The following RREB1 variants were observed in gnomAD, a reference collection of about 807,000 sequenced individuals.
RREB1 encodes the protein ras-responsive element-binding protein 1.
A neutral mutation model predicts 117.8 loss-of-function variants in RREB1; 27 were observed. The observed-to-expected ratio is 0.23, with a 90% CI of 0.17 to 0.32. The LOEUF (loss-of-function observed/expected upper bound fraction) is 0.32. RREB1 is among the 10% of genes least tolerant of loss of function. The probability of loss-of-function intolerance (pLI) is 1.00; values close to 1 mark genes in which losing one functional copy is unlikely to be tolerated. For synonymous variants in RREB1, 1,298 were observed against 1,026.7 expected (o/e 1.26, Z -5.05); for missense variants, 2,577 against 2,378.2 (o/e 1.08, Z -1.74).
At chr6:7,212,856 A>G (rs1766693838) in intron 8 of RREB1, 2 of 152,244 alleles carry the variant, frequency 1.3e-5, no homozygotes, top group South Asian at 4.1e-4. Flanking sequence ...GCCAGGTCAA[A>G]TATGATTATC....
intron 8 of RREB1, among the ~76,000 whole-genome samples, chr6:7,223,257 TAAAAAAAA>T (rs59558597): frequency 2.1e-5 from 2 of 97,280 alleles, no homozygotes; most frequent in African/African-American, 8.1e-5. Context: ...ACTCTCTTTT[TAAAAAAAA>T]AAAAAAAAAA....
intron 1 of RREB1, among the ~76,000 whole-genome samples, chr6:7,165,501 CA>C (rs997963993): frequency 1.3e-5 from 2 of 152,118 alleles, no homozygotes; most frequent in Non-Finnish European, 2.9e-5. Context: ...AAAAGTATGC[CA>C]AAACAATTTC....
intron 1 of RREB1, among the ~76,000 whole-genome samples, chr6:7,140,155 C>T (rs568925823): frequency 6.3e-4 from 96 of 152,240 alleles, no homozygotes; most frequent in Non-Finnish European, 9.7e-4. Flanking sequence ...TGCCACACGG[C>T]GTCTTTGCCA....
chr6:7,200,283 T>TGTGTGTGTGTGTGTG (rs1491275718), intron 6 of RREB1, among the ~76,000 whole-genome samples: 1 of 93,954 alleles, frequency 1.1e-5, no homozygotes, highest in Non-Finnish European at 1.9e-5. Flanking sequence ...TGTGTGTGTA[T>TGTGTGTGTGTGTGTG]TTTTTTTTTT....
chr6:7,165,396 A>G (rs1027925239), intron 1 of RREB1, among the ~76,000 whole-genome samples: 3 of 152,368 alleles, frequency 2.0e-5, no homozygotes, highest in Admixed American at 6.5e-5. Flanking sequence ...CCTTTGTCAC[A>G]TGCATTCAAG....
At chr6:7,198,974 G>A (rs909126996) in intron 6 of RREB1, among the ~76,000 whole-genome samples, 3 of 152,194 alleles carry the variant, frequency 2.0e-5, no homozygotes, top group Non-Finnish European at 4.4e-5. Context: ...GCAGCAGAAT[G>A]TCTGGGCTAC....
chr6:7,233,244 A>G (rs1332526701), intron 10 of RREB1, among the ~76,000 whole-genome samples: 1 of 152,244 alleles, frequency 6.6e-6, no homozygotes. Context: ...TGATTTTTAA[A>G]GAGAAGTTTA....
chr6:7,126,569 G>GAA, intron 1 of RREB1, among the ~76,000 whole-genome samples: 1 of 152,172 alleles, frequency 6.6e-6, no homozygotes, highest in Non-Finnish European at 1.5e-5. Flanking sequence ...GTGCTGGCAG[G>GAA]ACTGTTTTGA....
At chr6:7,186,395 A>T (rs1765083192) in intron 4 of RREB1, among the ~76,000 whole-genome samples, 1 of 152,210 alleles carries the variant, frequency 6.6e-6, no homozygotes, top group East Asian at 1.9e-4. Context: ...CCCCAACCCC[A>T]GTCCCCCAGT....
chr6:7,212,043 C>G (rs1369718167), intron 8 of RREB1: 1 of 311,266 alleles, frequency 3.2e-6, no homozygotes, highest in Non-Finnish European at 6.1e-6. Flanking sequence ...AAAGATGTTG[C>G]AACTCAAATG....
At chr6:7,221,579 G>A (rs1255861033) in intron 8 of RREB1, among the ~76,000 whole-genome samples, 9 of 152,206 alleles carry the variant, frequency 5.9e-5, no homozygotes, top group Non-Finnish European at 1.0e-4. Context: ...TATGTCTTTT[G>A]ACTTATAGGA....
intron 1 of RREB1, among the ~76,000 whole-genome samples, chr6:7,126,544 C>T (rs1439747601): frequency 1.3e-5 from 2 of 152,238 alleles, no homozygotes; most frequent in Non-Finnish European, 2.9e-5. Flanking sequence ...GCTGGGATTA[C>T]AGGCATGAGC....
intron 10 of RREB1, among the ~76,000 whole-genome samples, chr6:7,233,313 A>G (rs1038977330): frequency 2.0e-5 from 3 of 152,254 alleles, no homozygotes; most frequent in African/African-American, 7.2e-5. Flanking sequence ...ATAAATGGCC[A>G]TACAACTCTC....
chr6:7,184,185 T>C (rs1315823591), intron 4 of RREB1, among the ~76,000 whole-genome samples: 1 of 151,958 alleles, frequency 6.6e-6, no homozygotes, highest in Non-Finnish European at 1.5e-5. Context: ...CTCCATGTCC[T>C]ATAAAAAACA....
intron 1 of RREB1, among the ~76,000 whole-genome samples, chr6:7,114,477 G>A (rs1284697736): frequency 6.6e-6 from 1 of 151,782 alleles, no homozygotes; most frequent in Non-Finnish European, 1.5e-5. Flanking sequence ...GTGGGGGGGG[G>A]GGCGGCAGCG....
intron 10 of RREB1, among the ~76,000 whole-genome samples, chr6:7,235,740 A>G (rs555674942): frequency 7.2e-5 from 11 of 152,266 alleles, no homozygotes; most frequent in African/African-American, 2.4e-4. Context: ...CCCTCAGCAG[A>G]TTACTGTACT....
intron 1 of RREB1, among the ~76,000 whole-genome samples, chr6:7,125,172 T>C (rs1407312479): frequency 6.6e-6 from 1 of 152,156 alleles, no homozygotes; most frequent in Non-Finnish European, 1.5e-5. Context: ...GCAAAAGTGG[T>C]GTTAGTACAC....
Position 7,228,981 on chromosome 6 carries a change from G to T in RREB1, c.898-16G>T. On this transcript the variant is annotated splice_polypyrimidine_tract_variant and intron_variant, in intron 9 of 12. Transcript: ENST00000379938. ...TCACATGTGTTCCCTTGCTTTTACCGGTGGGTTCTATATAGGCCTGGTGCG... is the reference window on the plus strand; with the variant it reads ...TCACATGTGTTCCCTTGCTTTTACCTGTGGGTTCTATATAGGCCTGGTGCG... 4 of 1,474,054 alleles carry T rather than the reference G, an allele frequency of 2.7e-6. No individual in the cohort carries two copies. In the South Asian group the frequency reaches 4.6e-5, roughly 17 times the overall value. 91.3% of individuals were successfully genotyped at this position (1,474,054 alleles called of 1,614,324 possible).
intron 8 of RREB1, among the ~76,000 whole-genome samples, chr6:7,223,716 C>T (rs970771077): frequency 1.3e-5 from 2 of 152,098 alleles, no homozygotes; most frequent in African/African-American, 4.8e-5. Context: ...ACATATACTA[C>T]CTACGTACAC....
Sources: allele counts gnomAD v4.1 joint callset (sites outside exome capture counted in the v4.1 genomes callset), GRCh38; gene constraint gnomAD v4.1.1; transcripts MANE v1.5; gene names NCBI Gene and HGNC (gene_info 2026-07-23, HGNC 2026-07-21).